PRKAG2: variants seen among roughly 807,000 people sequenced by gnomAD.
The protein encoded by PRKAG2 is protein kinase AMP-activated non-catalytic subunit gamma 2, also known as 5'-AMP-activated protein kinase subunit gamma-2.
A neutral mutation model predicts 69.6 loss-of-function variants in PRKAG2; 26 were observed. That is an observed-to-expected ratio of 0.37 (90% CI 0.27 to 0.52). PRKAG2 has a LOEUF of 0.52. PRKAG2 is among the 20% of genes least tolerant of loss of function. The pLI, the probability that PRKAG2 is intolerant of heterozygous loss-of-function variation, is 0.90. For missense variants in PRKAG2, 557 were observed against 740.0 expected, an observed-to-expected ratio of 0.75 and a Z score of 2.87; for synonymous variants, 293 against 285.0, an observed-to-expected ratio of 1.03 and a Z score of -0.28.
chr7:151,789,867 C>T (rs927376008), intron 1 of PRKAG2, among the ~76,000 whole-genome samples: 1 of 152,224 alleles, frequency 6.6e-6, no homozygotes, highest in Non-Finnish European at 1.5e-5. Context: ...GCCGGCCCTG[C>T]AGGCTGCAAC....
chr7:151,591,918 G>T (rs1239278237), intron 6 of PRKAG2, among the ~76,000 whole-genome samples: 1 of 152,122 alleles, frequency 6.6e-6, no homozygotes, highest in African/African-American at 2.4e-5. Flanking sequence ...GGCCCTTATA[G>T]AGACCAAACA....
chr7:151,764,177 G>T (rs995543448), intron 3 of PRKAG2, among the ~76,000 whole-genome samples: 4 of 152,160 alleles, frequency 2.6e-5, no homozygotes, highest in Non-Finnish European at 5.9e-5. Flanking sequence ...TCTAGCAAGG[G>T]AATGACATAA....
chr7:151,876,037 C>A, intron 1 of PRKAG2, among the ~76,000 whole-genome samples: 1 of 150,024 alleles, frequency 6.7e-6, no homozygotes, highest in South Asian at 2.1e-4. Flanking sequence ...TCCCCCCAAC[C>A]CCCGCCCCGC....
intron 3 of PRKAG2, among the ~76,000 whole-genome samples, chr7:151,772,997 G>GA (rs1402447688): frequency 9.2e-5 from 1 of 10,898 alleles, no homozygotes; most frequent in Non-Finnish European, 1.3e-4. Context: ...AAGAAAGAAA[G>GA]AAAGAAAGAA....
At chr7:151,683,267 T>G (rs1369379436) in intron 3 of PRKAG2, among the ~76,000 whole-genome samples, 1 of 151,896 alleles carries the variant, frequency 6.6e-6, no homozygotes, top group Non-Finnish European at 1.5e-5. Context: ...AGAACAGAGG[T>G]GCCACCAAAG....
intron 5 of PRKAG2, among the ~76,000 whole-genome samples, chr7:151,599,525 A>G (rs1288760172): frequency 6.6e-6 from 1 of 152,202 alleles, no homozygotes; most frequent in Non-Finnish European, 1.5e-5. Context: ...AGCAGTCCCT[A>G]GGACTGGTTT....
intron 3 of PRKAG2, among the ~76,000 whole-genome samples, chr7:151,725,611 A>G (rs765967886): frequency 2.5e-4 from 38 of 152,168 alleles, no homozygotes; most frequent in Middle Eastern, 3.4e-3. Context: ...ACCATTCCAC[A>G]GAAGAGCTAA....
intron 3 of PRKAG2, among the ~76,000 whole-genome samples, chr7:151,711,632 C>T (rs1795338052): frequency 6.6e-6 from 1 of 152,212 alleles, no homozygotes; most frequent in African/African-American, 2.4e-5. Flanking sequence ...CCAAGGAGGA[C>T]AGCAATATTA....
At chr7:151,778,034 TG>T (rs2076475882) in intron 3 of PRKAG2, among the ~76,000 whole-genome samples, 1 of 152,146 alleles carries the variant, frequency 6.6e-6, no homozygotes, top group African/African-American at 2.4e-5. Flanking sequence ...TTTTTAGACT[TG>T]AATTCTGGCA....
At chr7:151,812,935 GAA>G (rs34158604) in intron 1 of PRKAG2, among the ~76,000 whole-genome samples, 54,728 of 149,202 alleles carry the variant, frequency 0.37, 10,291 homozygotes, top group South Asian at 0.57. Context: ...CTGCTGGGCT[GAA>G]AAAAAAAAAA....
At chr7:151,853,866 A>G (rs2079640763) in intron 1 of PRKAG2, among the ~76,000 whole-genome samples, 1 of 152,090 alleles carries the variant, frequency 6.6e-6, no homozygotes, top group African/African-American at 2.4e-5. Flanking sequence ...CTGAGAAAGG[A>G]TGATTTGGGC....
At chr7:151,681,155 C>G (rs1458029937) in intron 3 of PRKAG2, among the ~76,000 whole-genome samples, 1 of 152,190 alleles carries the variant, frequency 6.6e-6, no homozygotes, top group Admixed American at 6.5e-5. Flanking sequence ...TGATCCTAAC[C>G]CAGTCCCAAA....
chr7:151,819,063 CAG>C (rs147640849), intron 1 of PRKAG2, among the ~76,000 whole-genome samples: 7 of 152,318 alleles, frequency 4.6e-5, no homozygotes, highest in African/African-American at 1.7e-4. Flanking sequence ...GAGTGGTGTG[CAG>C]AGTGAGTCAG....
rs1814239943 is a variant in PRKAG2 at position 151,595,405 on chromosome 7, G to A, written c.804C>T (p.His268=). 4 of 1,613,922 alleles carry A rather than the reference G, an allele frequency of 2.5e-6. No individual in the cohort carries two copies. The highest frequency in any genetic ancestry group is 3.4e-6 in the Non-Finnish European group (4 of 1,179,994). The change falls in exon 6 of 16, where the codon CAC becomes CAT. Residue 268 remains histidine (H), a synonymous_variant. Coordinates refer to ENST00000287878, the MANE Select transcript of PRKAG2 (RefSeq NM_016203.4). ...SGVYMRFMRS[H]KCYDIVPTSS... is the part of the protein sequence containing the mutation. Reference sequence around the variant, plus strand: ...TGGTTGGAACGATGTCATAACACTTGTGTGACCTCATGAATCGCATGTAAA... The same window carrying A: ...TGGTTGGAACGATGTCATAACACTTATGTGACCTCATGAATCGCATGTAAA...
chr7:151,582,148 A>G (rs1810631482), intron 6 of PRKAG2, among the ~76,000 whole-genome samples: 1 of 152,096 alleles, frequency 6.6e-6, no homozygotes, highest in South Asian at 2.1e-4. Flanking sequence ...AGAGGGATCG[A>G]TGTATGTATG....
intron 5 of PRKAG2, among the ~76,000 whole-genome samples, chr7:151,630,166 A>G (rs1272562563): frequency 6.6e-6 from 1 of 152,162 alleles, no homozygotes; most frequent in Non-Finnish European, 1.5e-5. Context: ...GAAGAGGGGA[A>G]ATTCCTCTCT....
At chr7:151,718,780 A>G (rs997406323) in intron 3 of PRKAG2, among the ~76,000 whole-genome samples, 9 of 152,026 alleles carry the variant, frequency 5.9e-5, no homozygotes, top group African/African-American at 1.9e-4. Context: ...GACCCCTTCC[A>G]TGGAGTCCAA....
At chr7:151,738,827 T>C (rs1452754139) in intron 3 of PRKAG2, among the ~76,000 whole-genome samples, 1 of 152,220 alleles carries the variant, frequency 6.6e-6, no homozygotes, top group East Asian at 1.9e-4. Context: ...TTCACACCTC[T>C]ATATTTCTGT....
chr7:151,679,591 GT>G (rs1409481067), intron 3 of PRKAG2, among the ~76,000 whole-genome samples: 2 of 152,116 alleles, frequency 1.3e-5, no homozygotes, highest in Non-Finnish European at 2.9e-5. Flanking sequence ...GGCGTTTTAG[GT>G]TCAAAAACCT....
Sources: allele counts gnomAD v4.1 joint callset (sites outside exome capture counted in the v4.1 genomes callset), GRCh38; gene constraint gnomAD v4.1.1; transcripts MANE v1.5; gene names NCBI Gene and HGNC (gene_info 2026-07-23, HGNC 2026-07-21).